IMMP2L: variants seen among roughly 807,000 people sequenced by gnomAD.
IMMP2L encodes inner mitochondrial membrane peptidase subunit 2.
In IMMP2L, 18 loss-of-function variants were observed where a neutral mutation model predicts 19.3. The observed-to-expected ratio is 0.93, with a 90% CI of 0.64 to 1.38. The LOEUF (loss-of-function observed/expected upper bound fraction) is 1.38. IMMP2L is among the 40% of genes most tolerant of loss of function. The pLI is 0.00. For synonymous variants in IMMP2L, 76 were observed against 73.0 expected (o/e 1.04, Z -0.21); for missense variants, 233 against 218.2 (o/e 1.07, Z -0.43).
chr7:110,773,827 CT>C (rs5886574), intron 5 of IMMP2L, among the ~76,000 whole-genome samples: 128 of 135,728 alleles, frequency 9.4e-4, no homozygotes, highest in Middle Eastern at 4.1e-3. Flanking sequence ...ATAGTCTATT[CT>C]TTTTTTTTTT....
chr7:111,300,454 C>G (rs1822102872), intron 3 of IMMP2L, among the ~76,000 whole-genome samples: 2 of 152,008 alleles, frequency 1.3e-5, no homozygotes, highest in Non-Finnish European at 2.9e-5. Flanking sequence ...CATAGAGATC[C>G]CATGTACTCT....
intron 5 of IMMP2L, among the ~76,000 whole-genome samples, chr7:110,693,837 G>T (rs1482568994): frequency 6.6e-6 from 1 of 152,086 alleles, no homozygotes; most frequent in South Asian, 2.1e-4. Context: ...GTTTTGTTTT[G>T]TTGTTGTTGT....
chr7:111,113,625 AT>A (rs1213482863), intron 3 of IMMP2L, among the ~76,000 whole-genome samples: 1 of 152,212 alleles, frequency 6.6e-6, no homozygotes, highest in Non-Finnish European at 1.5e-5. Flanking sequence ...CAATAAAAAA[AT>A]GACTTAAAAA....
intron 3 of IMMP2L, among the ~76,000 whole-genome samples, chr7:111,398,118 C>T (rs951131453): frequency 6.6e-6 from 1 of 151,918 alleles, no homozygotes; most frequent in South Asian, 2.1e-4. Flanking sequence ...AAACACTTTT[C>T]GGATTAATTT....
intron 3 of IMMP2L, among the ~76,000 whole-genome samples, chr7:111,380,298 T>C (rs1831073581): frequency 6.6e-6 from 1 of 151,950 alleles, no homozygotes; most frequent in African/African-American, 2.4e-5. Context: ...GAATCTGAAA[T>C]AGATTATATA....
chr7:111,200,116 T>A (rs764883484), intron 3 of IMMP2L, among the ~76,000 whole-genome samples: 1 of 152,108 alleles, frequency 6.6e-6, no homozygotes, highest in Non-Finnish European at 1.5e-5. Context: ...ATATGAAATG[T>A]GAGTTTACAA....
At chr7:111,091,776 G>T (rs899797827) in intron 3 of IMMP2L, among the ~76,000 whole-genome samples, 2 of 151,748 alleles carry the variant, frequency 1.3e-5, no homozygotes, top group African/African-American at 2.4e-5. Context: ...AGCAGTGTTG[G>T]GGGGAGGAGA....
intron 3 of IMMP2L, among the ~76,000 whole-genome samples, chr7:111,482,329 C>T (rs73426237): frequency 0.15 from 23,506 of 152,084 alleles, 3,127 homozygotes; most frequent in African/African-American, 0.36. Context: ...ATACTCAAAG[C>T]ACTTAGCACA....
intron 3 of IMMP2L, among the ~76,000 whole-genome samples, chr7:111,359,163 T>C (rs1829016776): frequency 6.6e-6 from 1 of 152,118 alleles, no homozygotes; most frequent in Admixed American, 6.6e-5. Context: ...CTCTGCTGTT[T>C]TTACTGGCAA....
chr7:110,823,023 T>C (rs982193633), intron 5 of IMMP2L, among the ~76,000 whole-genome samples: 2 of 152,084 alleles, frequency 1.3e-5, no homozygotes, highest in Non-Finnish European at 2.9e-5. Context: ...TAAAATCCTA[T>C]TGTTATTAAC....
intron 4 of IMMP2L, among the ~76,000 whole-genome samples, chr7:110,893,716 C>T (rs1811048369): frequency 6.6e-6 from 1 of 152,058 alleles, no homozygotes; most frequent in African/African-American, 2.4e-5. Context: ...TGAATATGAA[C>T]ACTAAAGCAG....
At chr7:110,761,964 C>G (rs984246720) in intron 5 of IMMP2L, among the ~76,000 whole-genome samples, 4 of 152,154 alleles carry the variant, frequency 2.6e-5, no homozygotes, top group Non-Finnish European at 5.9e-5. Flanking sequence ...GGGGTCCGTA[C>G]CTCTGCCCCT....
At chr7:111,512,498 T>TATAAA (rs143714518) in intron 2 of IMMP2L, among the ~76,000 whole-genome samples, 3,116 of 152,146 alleles carry the variant, frequency 0.02, 109 homozygotes, top group African/African-American at 0.071. Flanking sequence ...TATTTTATTA[T>TATAAA]ATAAAACATA....
intron 3 of IMMP2L, among the ~76,000 whole-genome samples, chr7:111,189,742 G>A (rs1808665525): frequency 6.6e-6 from 1 of 152,072 alleles, no homozygotes; most frequent in Non-Finnish European, 1.5e-5. Context: ...ATCTTGAACT[G>A]ACTTAGCTTA....
chr7:111,227,733 G>A (rs1396015537), intron 3 of IMMP2L, among the ~76,000 whole-genome samples: 1 of 152,078 alleles, frequency 6.6e-6, no homozygotes, highest in Admixed American at 6.6e-5. Context: ...TTTGTCAAAA[G>A]TATGTTGGTC....
At chr7:110,686,022 C>G (rs1002261473) in intron 5 of IMMP2L, among the ~76,000 whole-genome samples, 1 of 152,146 alleles carries the variant, frequency 6.6e-6, no homozygotes, top group Non-Finnish European at 1.5e-5. Flanking sequence ...CAAAATAACA[C>G]TGCATTATAA....
chr7:110,795,116 A>T (rs754569956), intron 5 of IMMP2L, among the ~76,000 whole-genome samples: 1 of 152,134 alleles, frequency 6.6e-6, no homozygotes, highest in Non-Finnish European at 1.5e-5. Context: ...AAAAGGGACA[A>T]AAGTGGCTGG....
At chr7:110,704,572 A>G (rs1223719012) in intron 5 of IMMP2L, among the ~76,000 whole-genome samples, 1 of 152,240 alleles carries the variant, frequency 6.6e-6, no homozygotes, top group East Asian at 1.9e-4. Flanking sequence ...GTCAGGTGAC[A>G]ATATGGAACA....
intron 1 of IMMP2L, among the ~76,000 whole-genome samples, chr7:111,527,675 G>C (rs1225426392): frequency 2.0e-5 from 3 of 152,068 alleles, no homozygotes; most frequent in East Asian, 3.9e-4. Flanking sequence ...GCTGAAACCA[G>C]TGCCAATGAT....
Sources: allele counts gnomAD v4.1 joint callset (sites outside exome capture counted in the v4.1 genomes callset), GRCh38; gene constraint gnomAD v4.1.1; transcripts MANE v1.5; gene names NCBI Gene and HGNC (gene_info 2026-07-23, HGNC 2026-07-21).